Variants in OR8B2 observed in about 807,000 individuals in gnomAD.
The protein encoded by OR8B2 is olfactory receptor family 8 subfamily B member 2, also known as olfactory receptor 8B2.
For missense variants in OR8B2, 304 were observed against 379.6 expected, an observed-to-expected ratio of 0.80 and a Z score of 1.65; for synonymous variants, 98 against 138.2, an observed-to-expected ratio of 0.71 and a Z score of 2.04.
At chr11:124,395,078 A>G in the OR8B2 span, among the ~76,000 whole-genome samples, 2 of 151,948 alleles carry the variant, frequency 1.3e-5, no homozygotes, top group South Asian at 4.2e-4. Flanking sequence ...AGGATGCTGA[A>G]GAAGTCCTCT....
At chr11:124,385,448 T>A (rs1262474067), upstream of OR8B2, among the ~76,000 whole-genome samples, 1 of 151,962 alleles carries the variant, frequency 6.6e-6, no homozygotes. Flanking sequence ...ATAGGTTCAA[T>A]AATGTTAAAG....
At position 124,383,231 on chromosome 11, in the gene OR8B2, G is replaced by A. The variant is rs780733725; in HGVS notation, c.113C>T (p.Thr38Ile). The A allele has an allele frequency of 1.2e-6, 2 of 1,613,852 alleles. No individual in the cohort carries two copies. The highest frequency in any genetic ancestry group is 2.2e-5 in the East Asian group (1 of 44,888). The change falls in exon 2 of 2, where the codon ACC (threonine) becomes ATC (isoleucine). Residue 38 changes from threonine (T) to isoleucine (I), a missense_variant. Transcript: ENST00000641451. The part of the protein sequence containing the change: ...FFLFLVIYIV[T>I]MVGNLGLITL... ...GATCAAGCCAAGGTTGCCTACCATG[G>A]TGACAATGTAGATCACTAGAAACAG...
the OR8B2 span, among the ~76,000 whole-genome samples, chr11:124,390,608 A>G: frequency 6.6e-6 from 1 of 152,138 alleles, no homozygotes; most frequent in African/African-American, 2.4e-5. Flanking sequence ...ATTAAATGGT[A>G]TTTTTTGATA....
At chr11:124,391,817 A>G in the OR8B2 span, among the ~76,000 whole-genome samples, 2 of 151,880 alleles carry the variant, frequency 1.3e-5, no homozygotes, top group East Asian at 3.9e-4. Flanking sequence ...CAAAAAAGAG[A>G]ATTTTAGACC....
At chr11:124,385,633 CT>C (rs10552688), upstream of OR8B2, among the ~76,000 whole-genome samples, 62,270 of 138,990 alleles carry the variant, frequency 0.45, 14,638 homozygotes, top group East Asian at 0.58. Context: ...CTCTCTCTCT[CT>C]TTTTTTTTTT....
At chr11:124,389,869 A>G in the OR8B2 span, among the ~76,000 whole-genome samples, 2 of 152,192 alleles carry the variant, frequency 1.3e-5, no homozygotes, top group African/African-American at 4.8e-5. Flanking sequence ...TAAAGAGGAT[A>G]TTTAAACAGA....
chr11:124,385,504 G>C (rs898627461), upstream of OR8B2, among the ~76,000 whole-genome samples: 18 of 151,542 alleles, frequency 1.2e-4, no homozygotes, highest in African/African-American at 4.1e-4. Context: ...GTGTGTGTGT[G>C]TGTGTGTGTG....
the OR8B2 span, chr11:124,397,030 C>T: frequency 1.9e-6 from 3 of 1,613,504 alleles, no homozygotes; most frequent in African/African-American, 2.7e-5. Context: ...TCAGAGATGA[C>T]AAAAAAGAGA....
chr11:124,396,454 G>T, the OR8B2 span: 1 of 1,613,374 alleles, frequency 6.2e-7, no homozygotes, highest in Non-Finnish European at 8.5e-7. Context: ...GCTTTCCTCA[G>T]TGCAACTTTG....
chr11:124,387,286 G>T (rs1339468971), upstream of OR8B2, among the ~76,000 whole-genome samples: 2,449 of 152,006 alleles, frequency 0.016, 75 homozygotes, highest in African/African-American at 0.055. Context: ...GTCAATTTTG[G>T]CTTTTCTTGC....
chr11:124,383,043 G>T lies in OR8B2; in HGVS notation c.301C>A (p.Leu101Met), dbSNP rs768391242. 6.2e-7 allele frequency: 1 copy of T among 1,613,862 alleles called. No homozygotes were observed. The highest frequency in any genetic ancestry group is 8.5e-7 in the Non-Finnish European group (1 of 1,179,848). Residue 101 changes from leucine to methionine, a missense_variant, in exon 2 of 2, where the codon CTG (leucine) becomes ATG (methionine). By Grantham distance (15) the Leu-to-Met change is conservative (BLOSUM62 2). Coordinates refer to ENST00000641451, the MANE Select transcript of OR8B2 (RefSeq NM_001005468.2). ...IISNVGCMTR[L>M]FFFLFFVISE... ...ATGACGAAAAAGAGAAAGAAAAACA[G>T]CCGAGTCATGCACCCAACATTGGAG... is the stretch of plus-strand genomic sequence containing the variant.
chr11:124,388,018 G>A (rs1591432176), upstream of OR8B2, among the ~76,000 whole-genome samples: 1 of 151,980 alleles, frequency 6.6e-6, no homozygotes, highest in East Asian at 1.9e-4. Flanking sequence ...TCTCTTTGAA[G>A]CAATTGTGAA....
chr11:124,396,748 C>A, the OR8B2 span: 1 of 1,613,914 alleles, frequency 6.2e-7, no homozygotes, highest in Non-Finnish European at 8.5e-7. Context: ...ATACCCACAA[C>A]AATGAGAACA....
At chr11:124,395,135 T>C in the OR8B2 span, among the ~76,000 whole-genome samples, 2 of 143,032 alleles carry the variant, frequency 1.4e-5, no homozygotes, top group Non-Finnish European at 3.1e-5. Flanking sequence ...ACCAAAACCA[T>C]ACAAAAAAAA....
At chr11:124,384,778 A>T (rs1454919023), upstream of OR8B2, among the ~76,000 whole-genome samples, 1 of 152,198 alleles carries the variant, frequency 6.6e-6, no homozygotes, top group East Asian at 1.9e-4. Flanking sequence ...TTTACAGCCT[A>T]ACTTGTTGTT....
chr11:124,385,023 T>C (rs1860676899), upstream of OR8B2, among the ~76,000 whole-genome samples: 1 of 152,170 alleles, frequency 6.6e-6, no homozygotes, highest in Admixed American at 6.6e-5. Flanking sequence ...TTGCATACTT[T>C]ATAGGCAAAA....
At chr11:124,385,821 G>C (rs11604549), upstream of OR8B2, among the ~76,000 whole-genome samples, 4,879 of 151,672 alleles carry the variant, frequency 0.032, 122 homozygotes, top group Middle Eastern at 0.078. Flanking sequence ...TGTAGGGATA[G>C]GGGGTCTCAC....
the OR8B2 span, among the ~76,000 whole-genome samples, chr11:124,390,208 G>A: frequency 1.3e-5 from 2 of 152,310 alleles, no homozygotes. Flanking sequence ...TGTAGTGAAA[G>A]AGGATAGGCA....
In OR8B2 at chr11:124,383,164, G is replaced by C. The variant is rs201727613; in HGVS notation, c.180C>G (p.Tyr60Ter). 245 of 1,613,818 alleles carry C rather than the reference G, an allele frequency of 1.5e-4. No individual in the cohort carries two copies. The highest frequency in any genetic ancestry group is 2.0e-4 in the Non-Finnish European group (233 of 1,179,860). ...TGAAGGAGAGATTGAAGAGGAAATA[G>C]TACATTGGTGTGTGGAGGTGAGAAT... ...GLNSHLHTPM[Y>*]YFLFNLSFID... The change falls in exon 2 of 2, where the codon TAC becomes TAG. Residue 60 changes from tyrosine to a stop codon, truncating the protein, a stop_gained. Coordinates refer to ENST00000641451, the MANE Select transcript of OR8B2 (RefSeq NM_001005468.2). LOFTEE classifies it low-confidence loss of function (END_TRUNC).
Sources: allele counts gnomAD v4.1 joint callset (sites outside exome capture counted in the v4.1 genomes callset), GRCh38; gene constraint gnomAD v4.1.1; transcripts MANE v1.5; gene names NCBI Gene and HGNC (gene_info 2026-07-23, HGNC 2026-07-21).